Variants in CPNE2 observed in about 807,000 individuals in gnomAD.
CPNE2 encodes the protein copine 2.
In CPNE2, 42 loss-of-function variants were observed where a neutral mutation model predicts 69.7. That is an observed-to-expected ratio of 0.60 (90% CI 0.47 to 0.78). The LOEUF (loss-of-function observed/expected upper bound fraction) is 0.78, where lower values mean the gene tolerates loss of function less well. Ranked by LOEUF, CPNE2 falls within the 30% of genes least tolerant of loss-of-function variation. The probability of loss-of-function intolerance (pLI) is 0.00; values close to 1 mark genes in which losing one functional copy is unlikely to be tolerated. For missense variants in CPNE2, 587 were observed against 732.0 expected, an observed-to-expected ratio of 0.80 and a Z score of 2.29; for synonymous variants, 294 against 289.8, an observed-to-expected ratio of 1.01 and a Z score of -0.15.
At chr16:57,136,584 G>A (rs2069883232) in intron 13 of CPNE2, among the ~76,000 whole-genome samples, 1 of 152,184 alleles carries the variant, frequency 6.6e-6, no homozygotes, top group African/African-American at 2.4e-5. Context: ...GCCTCAGAAA[G>A]ATTAAACTAC....
chr16:57,144,152 G>C (rs2069940966), intron 14 of CPNE2: 1 of 152,264 alleles, frequency 6.6e-6, no homozygotes, highest in Non-Finnish European at 1.5e-5. Context: ...AGCCAGGGAT[G>C]GGGGGCTGGC....
chr16:57,121,367 G>T (rs549775350), intron 8 of CPNE2, among the ~76,000 whole-genome samples, 176 bp downstream of exon 8: 2 of 152,280 alleles, frequency 1.3e-5, no homozygotes, highest in South Asian at 4.1e-4. Flanking sequence ...AGAGGATTTG[G>T]GTGGGGATTG....
intron 4 of CPNE2, among the ~76,000 whole-genome samples, chr16:57,116,033 C>T (rs535105676): frequency 6.6e-6 from 1 of 152,330 alleles, no homozygotes; most frequent in South Asian, 2.1e-4. Flanking sequence ...GCGAGATCGT[C>T]CCCTGGTTGT....
chr16:57,124,626 T>C, intron 10 of CPNE2: 1 of 305,472 alleles, frequency 3.3e-6, no homozygotes, highest in South Asian at 2.6e-5. Flanking sequence ...CCCCACAGAC[T>C]CTGTGCCACT....
At chr16:57,109,470 T>C (rs7187669) in intron 1 of CPNE2, among the ~76,000 whole-genome samples, 89,215 of 146,492 alleles carry the variant, frequency 0.61, 27,944 homozygotes, top group African/African-American at 0.77. Context: ...AGCCAGACTC[T>C]GCCTCAAAAA....
intron 1 of CPNE2, chr16:57,093,965 C>A: frequency 2.2e-6 from 1 of 446,040 alleles, no homozygotes; most frequent in South Asian, 1.6e-5. Flanking sequence ...TTGGCCCAGA[C>A]CCTCCCCCCC....
intron 1 of CPNE2, chr16:57,110,488 T>G: frequency 8.3e-6 from 2 of 241,906 alleles, no homozygotes; most frequent in Non-Finnish European, 1.6e-5. Flanking sequence ...AGTGCTGAGA[T>G]TATAGGCGTG....
chr16:57,141,222 G>C (rs912310693), intron 14 of CPNE2: 4 of 152,314 alleles, frequency 2.6e-5, no homozygotes, highest in African/African-American at 9.7e-5. Context: ...GAGGGGGTTT[G>C]GGCCCCAGGA....
intron 11 of CPNE2, 112 bp from the exon 12 acceptor site, chr16:57,127,737 C>A (rs1195913349): frequency 9.4e-7 from 1 of 1,060,090 alleles, no homozygotes; most frequent in South Asian, 1.3e-5. Flanking sequence ...GTGGTGAGCT[C>A]CTCCTTTCTG....
chr16:57,120,378 C>T lies in CPNE2; in HGVS notation c.682-715C>T, dbSNP rs114130474. On this transcript the variant is annotated intron_variant, in intron 7 of 15. Transcript: ENST00000290776. ...TCACGATGTCAGGAGATTGAGACCA[C>T]CCTGGCCTCTCACGTGAGGCCTCTC... is the stretch of plus-strand genomic sequence containing the variant. Among the ~76,000 whole-genome samples the T allele has an allele frequency of 3.1e-3, 469 of 151,462 alleles. 3 individuals are homozygous for T. The highest frequency in any genetic ancestry group is 9.7e-3 in the African/African-American group (399 of 41,284).
intron 14 of CPNE2, among the ~76,000 whole-genome samples, chr16:57,145,399 C>T (rs1177863232): frequency 6.6e-6 from 1 of 152,236 alleles, no homozygotes; most frequent in Non-Finnish European, 1.5e-5. Flanking sequence ...GACTTGATGA[C>T]TTGATGGTGC....
intron 15 of CPNE2, chr16:57,147,322 G>T: frequency 2.5e-6 from 1 of 392,836 alleles, no homozygotes; most frequent in African/African-American, 2.0e-5. Context: ...AGTGCTCCAG[G>T]TAACACTTAC....
chr16:57,102,408 G>A (rs1199529451), intron 1 of CPNE2, among the ~76,000 whole-genome samples: 1 of 152,018 alleles, frequency 6.6e-6, no homozygotes, highest in Non-Finnish European at 1.5e-5. Flanking sequence ...AGGCCCTGAG[G>A]GTCCCAGAAG....
chr16:57,095,453 C>A (rs559410485), intron 1 of CPNE2, among the ~76,000 whole-genome samples: 1 of 152,318 alleles, frequency 6.6e-6, no homozygotes, highest in East Asian at 1.9e-4. Flanking sequence ...ATATTTCTTT[C>A]TTTCTTCCTT....
Position 57,130,951 on chromosome 16 carries a change from G to A in CPNE2, c.1116+3048G>A, listed in dbSNP as rs2069833680. On this transcript the variant is annotated intron_variant, in intron 12 of 15. Coordinates refer to ENST00000290776, the MANE Select transcript of CPNE2 (RefSeq NM_152727.6). This position sits in a 1 kb window ranked among gnomAD's most constrained non-coding sequence, Gnocchi z 4.1. ...GGTAGTCCTGGGGCAGGAGGCGGGG[G>A]CTCCTCATAGAACCACGGGCACCAG... 6.6e-6 allele frequency among the ~76,000 whole-genome samples: 1 copy of A among 152,134 alleles called. No individual in the cohort carries two copies. Among genetic ancestry groups the A allele is most frequent in the Non-Finnish European group, 1.5e-5 (1 of 68,028 alleles).
At chr16:57,145,415 G>A (rs1326828034) in intron 14 of CPNE2, among the ~76,000 whole-genome samples, 1 of 152,254 alleles carries the variant, frequency 6.6e-6, no homozygotes, top group African/African-American at 2.4e-5. Flanking sequence ...GGTGCTCAGT[G>A]CTGTGTTTGG....
intron 1 of CPNE2, among the ~76,000 whole-genome samples, chr16:57,096,121 A>G (rs2069576881): frequency 6.6e-6 from 1 of 152,190 alleles, no homozygotes; most frequent in Non-Finnish European, 1.5e-5. Flanking sequence ...TGAGTCTGTG[A>G]TGTTGAGTGA....
rs771577544 is a variant in CPNE2 at position 57,110,903 on chromosome 16, A to T, written c.161A>T (p.Asn54Ile). ...SDPFCVLFTE[N>I]NGRWIEYDRT... The stretch of plus-strand genomic sequence containing the variant: ...CCCTTCTGTGTCCTCTTTACAGAGA[A>T]CAATGGCAGATGGATCGAGGTGAGG... Residue 54 changes from asparagine to isoleucine, a missense_variant, in exon 2 of 16, where the codon AAC (asparagine) becomes ATC (isoleucine). Physicochemically the swap from Asn to Ile is moderately radical, Grantham distance 149. Around this residue, in one of 5 missense-constraint regions of CPNE2, gnomAD observed 96 missense variants for 94.9 expected, o/e 1.01. Coordinates refer to ENST00000290776, the MANE Select transcript of CPNE2 (RefSeq NM_152727.6). 2 of 1,611,180 alleles carry T rather than the reference A, an allele frequency of 1.2e-6. No individual in the cohort carries two copies. The highest frequency in any genetic ancestry group is 1.7e-6 in the Non-Finnish European group (2 of 1,178,580).
At chr16:57,132,116 C>T (rs1251483855) in intron 12 of CPNE2, among the ~76,000 whole-genome samples, 1 of 152,138 alleles carries the variant, frequency 6.6e-6, no homozygotes, top group African/African-American at 2.4e-5. Context: ...CCTGAGCAAA[C>T]AGAGGGGTCG....
Sources: gnomAD v4.1 joint callset for allele counts (sites outside exome capture counted in the v4.1 genomes callset) on GRCh38, gnomAD v4.1.1 for gene constraint, gnomAD v4.1.1 regional missense constraint, Gnocchi (gnomAD v3.1) non-coding constraint, MANE v1.5 for transcripts, NCBI Gene and HGNC (gene_info 2026-07-23, HGNC 2026-07-21) for gene names.